Variants in TUBGCP4 observed in about 807,000 individuals in gnomAD.
TUBGCP4 encodes tubulin gamma complex component 4, also known as gamma-tubulin complex component 4.
Under a neutral mutation model 91.6 loss-of-function variants are expected in TUBGCP4, and 54 were observed. That is an observed-to-expected ratio of 0.59 (90% CI 0.47 to 0.74). The LOEUF is 0.74. TUBGCP4 is among the 30% of genes least tolerant of loss of function. The probability of loss-of-function intolerance (pLI) is 0.00; values close to 1 mark genes in which losing one functional copy is unlikely to be tolerated. For missense variants in TUBGCP4, 593 were observed against 800.9 expected, an observed-to-expected ratio of 0.74 and a Z score of 3.13; for synonymous variants, 297 against 302.8, an observed-to-expected ratio of 0.98 and a Z score of 0.20.
rs759876258 is a variant in TUBGCP4, at chr15:43,371,382, A to G, written c.28A>G (p.Ser10Gly). 4 of 1,613,806 alleles carry G rather than the reference A, an allele frequency of 2.5e-6. No homozygotes were observed. Among genetic ancestry groups the G allele is most frequent in the Non-Finnish European group, 3.4e-6 (4 of 1,179,936 alleles). ...GATCCACGAACTGCTCTTGGCTCTGAGCGGGTACCCTGGGTCCATTTTCAC... is the reference window on the plus strand; with the variant it reads ...GATCCACGAACTGCTCTTGGCTCTGGGCGGGTACCCTGGGTCCATTTTCAC... MIHELLLAL[S>G]GYPGSIFTWN... is the part of the protein sequence containing the mutation. The change falls in exon 1 of 18, where the codon AGC becomes GGC. Residue 10 changes from serine to glycine, a missense_variant. By Grantham distance (56) the Ser-to-Gly change is moderately conservative. Transcript: ENST00000564079.
intron 9 of TUBGCP4, among the ~76,000 whole-genome samples, chr15:43,387,861 A>G (rs934747936): frequency 6.6e-6 from 1 of 150,994 alleles, no homozygotes; most frequent in Non-Finnish European, 1.5e-5. Context: ...ATTTTATTTT[A>G]TTTTTGAGAC....
At chr15:43,383,267 A>T (rs1221034564) in intron 6 of TUBGCP4, 36 bp from the exon 7 acceptor site, 6 of 1,575,502 alleles carry the variant, frequency 3.8e-6, no homozygotes, top group Non-Finnish European at 5.2e-6. Context: ...AGTTTAAAGC[A>T]TGACTTCTGA....
chr15:43,377,576 TAC>T (rs147668004), intron 4 of TUBGCP4: 680 of 364,874 alleles, frequency 1.9e-3, no homozygotes, highest in Non-Finnish European at 2.8e-3. Context: ...CCTACCACTA[TAC>T]TCCAGCCTGG....
chr15:43,398,006 A>ATCTTT, intron 12 of TUBGCP4, 35 bp from the exon 13 acceptor site: 1 of 1,587,786 alleles, frequency 6.3e-7, no homozygotes. Flanking sequence ...CCAAGTTGTT[A>ATCTTT]TCTTTTCTTT....
chr15:43,398,288 T>A, intron 13 of TUBGCP4, 109 bp downstream of exon 13: 1 of 1,296,892 alleles, frequency 7.7e-7, no homozygotes, highest in African/African-American at 1.5e-5. Context: ...GGCACACACC[T>A]GTAATCCCAG....
In TUBGCP4 at chr15:43,406,695, GACAATAATA is replaced by G; in HGVS notation, c.*1483_*1491del. ...GGAAGGAACTGCTTCCAGCTATTGT[GACAATAATA>G]ATAATAATAATATTGGGTCTTTGAC... is the stretch of plus-strand genomic sequence containing the variant. On this transcript the variant is annotated 3_prime_UTR_variant, in exon 18 of 18. Transcript: ENST00000564079. 1 of 437,570 alleles carries G rather than the reference GACAATAATA, an allele frequency of 2.3e-6. No homozygotes were observed. 27.1% of individuals were successfully genotyped at this position (437,570 alleles called of 1,614,324 possible). A position where few individuals can be genotyped will look rare whatever the true frequency, so the allele number is the denominator to read the frequency against.
chr15:43,401,365 T>G (rs1291531090), intron 14 of TUBGCP4, among the ~76,000 whole-genome samples: 1 of 151,462 alleles, frequency 6.6e-6, no homozygotes, highest in Non-Finnish European at 1.5e-5. Context: ...GCAGGAGAAT[T>G]GCTTGAACCC....
rs911172810 is a variant in TUBGCP4 at position 43,371,192 on chromosome 15, G to A, written c.-163G>A. On this transcript the variant is annotated 5_prime_UTR_variant, in exon 1 of 18. Coordinates refer to ENST00000564079, the MANE Select transcript of TUBGCP4 (RefSeq NM_014444.5). ...CCCCGCGACCCCTTCCCAGCTTCCCGTCCGCTCCGCCGCAGCGATTGTCTC... is the reference window on the plus strand; with the variant it reads ...CCCCGCGACCCCTTCCCAGCTTCCCATCCGCTCCGCCGCAGCGATTGTCTC... 1.4e-6 allele frequency: 1 copy of A among 710,494 alleles called. No homozygotes were observed. Among genetic ancestry groups the A allele is most frequent in the Non-Finnish European group, 2.4e-6 (1 of 423,848 alleles). 44.0% of individuals were successfully genotyped at this position (710,494 alleles called of 1,614,324 possible). A position where few individuals can be genotyped will look rare whatever the true frequency, so the allele number is the denominator to read the frequency against.
chr15:43,385,771 T>A lies in TUBGCP4; in HGVS notation c.724-20T>A, dbSNP rs777201818. ...TCTTGCTTCACACTGCATCTCGATGTGTACTCTTTCCTTGACTAGCGCCTG... is the reference window on the plus strand; with the variant it reads ...TCTTGCTTCACACTGCATCTCGATGAGTACTCTTTCCTTGACTAGCGCCTG... On this transcript the variant is annotated intron_variant, in intron 7 of 17. Transcript: ENST00000564079. 3.7e-6 allele frequency: 6 copies of A among 1,613,444 alleles called. No individual in the cohort carries two copies. The highest frequency in any genetic ancestry group is 3.3e-5 in the South Asian group (3 of 91,038).
In TUBGCP4 at chr15:43,386,303, G is replaced by A. The variant is rs372242208; in HGVS notation, c.987G>A (p.Val329=). The change falls in exon 9 of 18, where the codon GTG becomes GTA. Residue 329 remains valine, a synonymous_variant. Transcript: ENST00000564079. ...LFSLVDFEQV[V]DRIRSTVAEH... Reference sequence around the variant, plus strand: ...GCTTGGTGGACTTTGAACAGGTGGTGGATCGCATTCGCAGCACTGTGGCTG... The same window carrying A: ...GCTTGGTGGACTTTGAACAGGTGGTAGATCGCATTCGCAGCACTGTGGCTG... 14 of 1,565,832 alleles carry A rather than the reference G, an allele frequency of 8.9e-6. No homozygotes were observed. The highest frequency in any genetic ancestry group is 1.1e-5 in the Non-Finnish European group (13 of 1,158,006).
chr15:43,404,906 A>G, intron 17 of TUBGCP4: 2 of 500,374 alleles, frequency 4.0e-6, no homozygotes, highest in Admixed American at 7.3e-5. Context: ...GCATCTGTGA[A>G]AGGAGGCGAC....
chr15:43,391,932 A>G (rs2412782), intron 9 of TUBGCP4, among the ~76,000 whole-genome samples: 40,585 of 151,870 alleles, frequency 0.27, 8,743 homozygotes, highest in African/African-American at 0.59. Flanking sequence ...GTGCGTGCCT[A>G]TAGTCCCAGC....
chr15:43,400,845 G>A (rs2044664317), intron 14 of TUBGCP4, among the ~76,000 whole-genome samples: 1 of 151,886 alleles, frequency 6.6e-6, no homozygotes, highest in Non-Finnish European at 1.5e-5. Flanking sequence ...TTGAACCTGG[G>A]AGGTGGAGGT....
In TUBGCP4 at chr15:43,407,579, A is replaced by G. The variant is rs750401815; in HGVS notation, c.*2365A>G. On this transcript the variant is annotated 3_prime_UTR_variant, in exon 18 of 18. Coordinates refer to ENST00000564079, the MANE Select transcript of TUBGCP4 (RefSeq NM_014444.5). ...TACCCCTAAAGCAATATCTGCAAGGAGCAAGGGAAAGTGAAGAAGGAAAGG... is the reference window on the plus strand; with the variant it reads ...TACCCCTAAAGCAATATCTGCAAGGGGCAAGGGAAAGTGAAGAAGGAAAGG... 33 of 1,602,208 alleles carry G rather than the reference A, an allele frequency of 2.1e-5. No homozygotes were observed. Among genetic ancestry groups the G allele is most frequent in the Non-Finnish European group, 2.8e-5 (33 of 1,172,808 alleles).
intron 1 of TUBGCP4, among the ~76,000 whole-genome samples, chr15:43,373,068 T>C (rs374415689): frequency 6.6e-6 from 1 of 152,300 alleles, no homozygotes; most frequent in East Asian, 1.9e-4. Context: ...AAGGGAAAAG[T>C]TGTCATGAGT....
At chr15:43,386,098 T>G in intron 8 of TUBGCP4, 108 bp from the exon 9 acceptor site, 1 of 1,527,300 alleles carries the variant, frequency 6.5e-7, no homozygotes. Context: ...GACGTTTGTC[T>G]GAGAAGCAGG....
intron 9 of TUBGCP4, chr15:43,391,689 A>G (rs1052865502): frequency 6.6e-6 from 1 of 152,244 alleles, no homozygotes; most frequent in Admixed American, 6.5e-5. Context: ...CCTCCCAAGT[A>G]ACTGGGCCTG....
chr15:43,400,148 A>G lies in TUBGCP4; in HGVS notation c.1523A>G (p.Gln508Arg), dbSNP rs1331041391. Residue 508 changes from glutamine to arginine, a missense_variant, in exon 14 of 18, where the codon CAG (glutamine) becomes CGG (arginine). Coordinates refer to ENST00000564079, the MANE Select transcript of TUBGCP4 (RefSeq NM_014444.5). ...QMQRKHLKSNQTDAIKWRLRN... is the reference protein window; with the variant it reads ...QMQRKHLKSNRTDAIKWRLRN... ...CAGCGCAAGCACCTCAAGTCGAACC[A>G]GACTGATGCAATCAAGTGGCGCCTA... The G allele has an allele frequency of 6.2e-7, 1 of 1,614,132 alleles. No homozygotes were observed. Among genetic ancestry groups the G allele is most frequent in the Non-Finnish European group, 8.5e-7 (1 of 1,180,058 alleles).
chr15:43,401,062 C>T (rs1308921159), intron 14 of TUBGCP4, among the ~76,000 whole-genome samples: 2 of 152,138 alleles, frequency 1.3e-5, no homozygotes, highest in Non-Finnish European at 2.9e-5. Flanking sequence ...TTATTGTTGA[C>T]TTGCCCCTTA....
Sources: gnomAD v4.1 joint callset for allele counts (sites outside exome capture counted in the v4.1 genomes callset) on GRCh38, gnomAD v4.1.1 for gene constraint, MANE v1.5 for transcripts, NCBI Gene and HGNC (gene_info 2026-07-23, HGNC 2026-07-21) for gene names.